Variants in RNF11 observed in about 807,000 individuals in gnomAD.
RNF11 encodes the protein ring finger protein 11.
RNF11 carries 4 observed loss-of-function variants against 15.8 expected under a neutral mutation model. The ratio of observed to expected loss-of-function variants is 0.25; its 90% confidence interval spans 0.12 to 0.58. The LOEUF (loss-of-function observed/expected upper bound fraction) is 0.58, where lower values mean the gene tolerates loss of function less well. Among genes scored for constraint, RNF11 ranks in the 20% least tolerant of loss-of-function variants. RNF11 has a pLI of 0.91. For missense variants in RNF11, 139 were observed against 194.4 expected (o/e 0.71, Z 1.70); for synonymous variants, 68 against 72.3 (o/e 0.94, Z 0.30).
chr1:51,259,525 T>G (rs1332311382), intron 1 of RNF11, among the ~76,000 whole-genome samples: 1 of 152,254 alleles, frequency 6.6e-6, no homozygotes, highest in Non-Finnish European at 1.5e-5. Context: ...TCATCCATCC[T>G]GATTTTCCTG....
intron 1 of RNF11, among the ~76,000 whole-genome samples, chr1:51,267,973 C>T (rs1476325087): frequency 1.3e-5 from 2 of 152,186 alleles, no homozygotes; most frequent in Non-Finnish European, 2.9e-5. Flanking sequence ...TCAGGTGATA[C>T]GCCTGCCTCG....
chr1:51,245,555 G>A (rs1307193952), intron 1 of RNF11, among the ~76,000 whole-genome samples: 1 of 147,986 alleles, frequency 6.8e-6, no homozygotes, highest in Non-Finnish European at 1.5e-5. Context: ...GGGTTCAAGC[G>A]ATTCTCATGC....
chr1:51,236,977 C>T, intron 1 of RNF11, 98 bp downstream of exon 1: 1 of 1,453,386 alleles, frequency 6.9e-7, no homozygotes, highest in Non-Finnish European at 9.2e-7. Context: ...TCGGCAAGGC[C>T]TGGCCTGGGC....
chr1:51,239,297 A>T (rs1646818730), intron 1 of RNF11, among the ~76,000 whole-genome samples: 1 of 152,162 alleles, frequency 6.6e-6, no homozygotes, highest in Non-Finnish European at 1.5e-5. Context: ...ATGATGAGGG[A>T]TGAGGGGTTT....
At chr1:51,250,623 TG>T in intron 1 of RNF11, 1 of 719,504 alleles carries the variant, frequency 1.4e-6, no homozygotes, top group Non-Finnish European at 2.4e-6. Flanking sequence ...AGCTGGAGCC[TG>T]GGTCCGCTGC....
At chr1:51,253,838 G>T (rs1167634257) in intron 1 of RNF11, among the ~76,000 whole-genome samples, 1 of 151,866 alleles carries the variant, frequency 6.6e-6, no homozygotes, top group Non-Finnish European at 1.5e-5. Context: ...ATTTTTTTAG[G>T]AATTGCTGGA....
chr1:51,236,744 C>G lies in RNF11; in HGVS notation c.-13C>G. On this transcript the variant is annotated 5_prime_UTR_variant, in exon 1 of 3. Transcript: ENST00000242719. The stretch of plus-strand genomic sequence containing the variant: ...TTTCTCCTCCCCCAGATCACGCACC[C>G]CAGCTCCGGAAGATGGGGAACTGCC... 1 of 1,612,650 alleles carries G rather than the reference C, an allele frequency of 6.2e-7. No homozygotes were observed.
chr1:51,254,281 A>G (rs770923707), intron 1 of RNF11, among the ~76,000 whole-genome samples: 5 of 151,762 alleles, frequency 3.3e-5, no homozygotes, highest in Non-Finnish European at 7.4e-5. Context: ...CCTTGAATGA[A>G]TTCCTTTTTC....
chr1:51,256,953 C>T (rs111524129), intron 1 of RNF11, among the ~76,000 whole-genome samples: 3,815 of 152,258 alleles, frequency 0.025, 128 homozygotes, highest in African/African-American at 0.079. Context: ...GGATTACTGG[C>T]GTGAGCCACC....
At chr1:51,265,067 C>CT (rs1646948683) in intron 1 of RNF11, 1 of 152,304 alleles carries the variant, frequency 6.6e-6, no homozygotes, top group Admixed American at 6.5e-5. Flanking sequence ...TGTATCACAC[C>CT]TGTAATCCCA....
At chr1:51,259,924 A>C (rs530697552) in intron 1 of RNF11, among the ~76,000 whole-genome samples, 4 of 152,342 alleles carry the variant, frequency 2.6e-5, no homozygotes, top group East Asian at 1.9e-4. Flanking sequence ...AATTTTATGT[A>C]GCAATTCAAG....
chr1:51,236,704 C>T lies in RNF11; in HGVS notation c.-53C>T. ...CGAGGCGGACCGCGGAGTGTGCGAA[C>T]GACCCCACCGCTGCTTTCTCCTCCC... On this transcript the variant is annotated 5_prime_UTR_variant, in exon 1 of 3. The change creates a new upstream start codon in the 5' untranslated region. Coordinates refer to ENST00000242719, the MANE Select transcript of RNF11 (RefSeq NM_014372.5). 1.2e-6 allele frequency: 2 copies of T among 1,602,884 alleles called. No homozygotes were observed. Among genetic ancestry groups the T allele is most frequent in the Non-Finnish European group, 1.7e-6 (2 of 1,174,978 alleles).
chr1:51,243,733 C>T (rs941949305), intron 1 of RNF11, among the ~76,000 whole-genome samples: 18 of 152,210 alleles, frequency 1.2e-4, no homozygotes, highest in Non-Finnish European at 2.1e-4. Flanking sequence ...GCCACCACGC[C>T]CGGCCCTTAA....
intron 1 of RNF11, chr1:51,251,484 T>C: frequency 1.6e-6 from 1 of 611,250 alleles, no homozygotes; most frequent in Non-Finnish European, 2.9e-6. Context: ...TGGTGTTTTC[T>C]CGGAGAAGAA....
chr1:51,243,697 C>T (rs112378507), intron 1 of RNF11, among the ~76,000 whole-genome samples: 3,242 of 152,270 alleles, frequency 0.021, 95 homozygotes, highest in African/African-American at 0.065. Flanking sequence ...CCTTGGCCTC[C>T]GTAAGAGCTG....
chr1:51,250,494 C>T (rs766126057), intron 1 of RNF11: 11 of 504,880 alleles, frequency 2.2e-5, no homozygotes, highest in Non-Finnish European at 3.5e-5. Context: ...GGTCCACTTA[C>T]AGTGCTAATT....
intron 1 of RNF11, among the ~76,000 whole-genome samples, chr1:51,246,905 G>A (rs367875209): frequency 1.2e-4 from 18 of 151,360 alleles, no homozygotes; most frequent in African/African-American, 3.9e-4. Flanking sequence ...CTGAGCCCAG[G>A]AGTTCGAGGC....
At chr1:51,244,932 T>C (rs192448137) in intron 1 of RNF11, among the ~76,000 whole-genome samples, 18 of 152,350 alleles carry the variant, frequency 1.2e-4, no homozygotes, top group Non-Finnish European at 2.5e-4. Context: ...GGAGATGGGA[T>C]GGTGAGTTAC....
chr1:51,257,022 G>A (rs995563511), intron 1 of RNF11, among the ~76,000 whole-genome samples: 3 of 152,198 alleles, frequency 2.0e-5, no homozygotes, highest in African/African-American at 7.2e-5. Flanking sequence ...GAGAGTTTCT[G>A]TTACCACACA....
Sources: gnomAD v4.1 joint callset for allele counts (sites outside exome capture counted in the v4.1 genomes callset) on GRCh38, gnomAD v4.1.1 for gene constraint, MANE v1.5 for transcripts, NCBI Gene and HGNC (gene_info 2026-07-23, HGNC 2026-07-21) for gene names.